The following PLEKHA2 variants were observed in gnomAD, a reference collection of about 807,000 sequenced individuals.
PLEKHA2 encodes pleckstrin homology domain containing A2.
In PLEKHA2, 28 loss-of-function variants were observed where a neutral mutation model predicts 53.2. The observed-to-expected ratio is 0.53, with a 90% CI of 0.39 to 0.72. PLEKHA2 has a LOEUF of 0.72. PLEKHA2 is among the 30% of genes least tolerant of loss of function. The pLI, the probability that PLEKHA2 is intolerant of heterozygous loss-of-function variation, is 0.00. For missense variants in PLEKHA2, 426 were observed against 537.9 expected (o/e 0.79, Z 2.06); for synonymous variants, 193 against 196.4 (o/e 0.98, Z 0.14).
At chr8:38,946,393 G>C (rs1284653802) in intron 5 of PLEKHA2, among the ~76,000 whole-genome samples, 172 bp downstream of exon 5, 3 of 152,336 alleles carry the variant, frequency 2.0e-5, no homozygotes, top group South Asian at 2.1e-4. Context: ...AACACAAGTT[G>C]AACTGAGAGT....
intron 2 of PLEKHA2, among the ~76,000 whole-genome samples, chr8:38,923,952 A>G (rs1311868431): frequency 2.0e-5 from 3 of 152,112 alleles, no homozygotes; most frequent in Non-Finnish European, 2.9e-5. Flanking sequence ...CCCAGCTTAA[A>G]GAAATTCTCG....
At chr8:38,938,957 G>T (rs992844694) in intron 3 of PLEKHA2, among the ~76,000 whole-genome samples, 1 of 150,604 alleles carries the variant, frequency 6.6e-6, no homozygotes, top group African/African-American at 2.5e-5. Flanking sequence ...AGGCTGGAGT[G>T]CAATGGTGCA....
chr8:38,942,411 C>T (rs1198624777), intron 3 of PLEKHA2, among the ~76,000 whole-genome samples: 1 of 151,978 alleles, frequency 6.6e-6, no homozygotes, highest in Non-Finnish European at 1.5e-5. Context: ...TCATTCTGGG[C>T]TCAAGTGATC....
At chr8:38,904,935 T>C (rs897363927) in intron 1 of PLEKHA2, among the ~76,000 whole-genome samples, 19 of 152,222 alleles carry the variant, frequency 1.2e-4, no homozygotes, top group Non-Finnish European at 2.6e-4. Context: ...TCACACATTA[T>C]TTCATTTAAT....
At chr8:38,967,774 G>A (rs1347761735) in intron 10 of PLEKHA2, among the ~76,000 whole-genome samples, 1 of 151,180 alleles carries the variant, frequency 6.6e-6, no homozygotes, top group Non-Finnish European at 1.5e-5. Flanking sequence ...CAATTCTCCT[G>A]CCTCAGCCTC....
At chr8:38,939,801 G>A (rs568364928) in intron 3 of PLEKHA2, among the ~76,000 whole-genome samples, 2 of 152,286 alleles carry the variant, frequency 1.3e-5, no homozygotes, top group African/African-American at 2.4e-5. Flanking sequence ...AAAGCTGGAA[G>A]TAGGTTGGGC....
chr8:38,961,328 G>A (rs1217065513), intron 10 of PLEKHA2, among the ~76,000 whole-genome samples: 1 of 152,150 alleles, frequency 6.6e-6, no homozygotes, highest in African/African-American at 2.4e-5. Flanking sequence ...TCTGAGGTCA[G>A]GAGTTCGAGG....
Position 38,970,086 on chromosome 8 carries a change from C to G in PLEKHA2, c.*303C>G, listed in dbSNP as rs1434344793. 2.1e-6 allele frequency: 1 copy of G among 470,794 alleles called. No individual in the cohort carries two copies. Among genetic ancestry groups the G allele is most frequent in the East Asian group, 3.5e-5 (1 of 28,854 alleles). The allele number at this position is 470,794 out of a possible 1,614,324, so 29.2% of individuals were successfully genotyped here. On this transcript the variant is annotated 3_prime_UTR_variant, in exon 12 of 12. Coordinates refer to ENST00000617275, the MANE Select transcript of PLEKHA2 (RefSeq NM_021623.2). ...CTATTCTAACTATTCTGAGGTCTTC[C>G]TGGAGAGGGATTGTTTTAGCAGCTC...
At chr8:38,961,769 C>T (rs1835045661) in intron 10 of PLEKHA2, among the ~76,000 whole-genome samples, 1 of 152,034 alleles carries the variant, frequency 6.6e-6, no homozygotes, top group African/African-American at 2.4e-5. Context: ...GGAGAAGACT[C>T]CCTAGACAGA....
intron 7 of PLEKHA2, 59 bp from the exon 8 acceptor site, chr8:38,952,577 A>AC: frequency 6.5e-7 from 1 of 1,535,874 alleles, no homozygotes; most frequent in South Asian, 1.1e-5. Flanking sequence ...GCATGAGTAC[A>AC]CCCTCCACAA....
chr8:38,936,059 G>T lies in PLEKHA2; in HGVS notation c.198+9G>T. 1 of 1,612,688 alleles carries T rather than the reference G, an allele frequency of 6.2e-7. No homozygotes were observed. Among genetic ancestry groups the T allele is most frequent in the South Asian group, 1.1e-5 (1 of 90,996 alleles). On this transcript the variant is annotated intron_variant, in intron 3 of 11. Coordinates refer to ENST00000617275, the MANE Select transcript of PLEKHA2 (RefSeq NM_021623.2). ...TGACCTACATCTCGAAGGTAATGTT[G>T]ACCTGGAACTCTGGGAATTCATGCT...
At chr8:38,961,742 G>A (rs1187283624) in intron 10 of PLEKHA2, among the ~76,000 whole-genome samples, 1 of 152,148 alleles carries the variant, frequency 6.6e-6, no homozygotes, top group African/African-American at 2.4e-5. Flanking sequence ...AGACCAAAGA[G>A]CAGGGCAGAT....
chr8:38,949,974 A>G (rs1834795853), intron 5 of PLEKHA2, among the ~76,000 whole-genome samples: 1 of 152,096 alleles, frequency 6.6e-6, no homozygotes, highest in Non-Finnish European at 1.5e-5. Flanking sequence ...GCATGCATGC[A>G]TTTTTACCTG....
chr8:38,911,186 G>T (rs970991135), intron 1 of PLEKHA2, among the ~76,000 whole-genome samples: 2 of 152,056 alleles, frequency 1.3e-5, no homozygotes, highest in African/African-American at 4.8e-5. Flanking sequence ...GAGAGCAAAG[G>T]TGAAGGGACC....
intron 2 of PLEKHA2, among the ~76,000 whole-genome samples, chr8:38,924,319 G>A (rs1179192905): frequency 6.6e-6 from 1 of 152,160 alleles, no homozygotes; most frequent in Non-Finnish European, 1.5e-5. Flanking sequence ...CCCAGAAGAA[G>A]ACCCTGAGAC....
chr8:38,918,898 A>T (rs1834130265), intron 2 of PLEKHA2, among the ~76,000 whole-genome samples: 1 of 152,230 alleles, frequency 6.6e-6, no homozygotes, highest in Non-Finnish European at 1.5e-5. Flanking sequence ...CTGCTCTCAC[A>T]CGCAGACACC....
At chr8:38,933,451 G>A (rs756492197) in intron 2 of PLEKHA2, among the ~76,000 whole-genome samples, 5 of 152,164 alleles carry the variant, frequency 3.3e-5, no homozygotes, top group Non-Finnish European at 7.4e-5. Context: ...TGCATTGAAA[G>A]TCAGCTTTGG....
chr8:38,909,959 CTT>C (rs71216695), intron 1 of PLEKHA2, among the ~76,000 whole-genome samples: 11 of 141,520 alleles, frequency 7.8e-5, no homozygotes, highest in Non-Finnish European at 9.2e-5. Context: ...CATTAAAATA[CTT>C]TTTTTTTTTT....
At chr8:38,959,531 G>T (rs1335837815) in intron 10 of PLEKHA2, among the ~76,000 whole-genome samples, 2 of 152,184 alleles carry the variant, frequency 1.3e-5, no homozygotes, top group African/African-American at 4.8e-5. Context: ...CTGTGAAATG[G>T]AGATGATGAT....
Sources: gnomAD v4.1 joint callset for allele counts (sites outside exome capture counted in the v4.1 genomes callset) on GRCh38, gnomAD v4.1.1 for gene constraint, MANE v1.5 for transcripts, NCBI Gene and HGNC (gene_info 2026-07-23, HGNC 2026-07-21) for gene names.